Variants in TEX14 observed in about 807,000 individuals in gnomAD.
The protein encoded by TEX14 is inactive serine/threonine-protein kinase TEX14.
Under a neutral mutation model 178.6 loss-of-function variants are expected in TEX14, and 168 were observed. That is an observed-to-expected ratio of 0.94 (90% CI 0.83 to 1.07). The LOEUF is 1.07. TEX14 is among the 50% of genes least tolerant of loss of function. TEX14 has a pLI of 0.00. For missense variants in TEX14, 1,730 were observed against 1,753.6 expected, an observed-to-expected ratio of 0.99 and a Z score of 0.24; for synonymous variants, 626 against 634.1, an observed-to-expected ratio of 0.99 and a Z score of 0.19.
chr17:58,605,146 A>G lies in TEX14; in HGVS notation c.1185-17T>C. 2 of 1,611,276 alleles carry G rather than the reference A, an allele frequency of 1.2e-6. No individual in the cohort carries two copies. The highest frequency in any genetic ancestry group is 1.3e-5 in the African/African-American group (1 of 74,958). ...CTGTCCTCGCTACGGAAGGAAACTC[A>G]CAAGTCAGCGCTCATGCCTTAAAGG... On this transcript the variant is annotated splice_polypyrimidine_tract_variant and intron_variant, in intron 10 of 31. Transcript: ENST00000349033.
chr17:58,643,246 C>T (rs2046614962), intron 2 of TEX14, among the ~76,000 whole-genome samples: 1 of 152,156 alleles, frequency 6.6e-6, no homozygotes, highest in Non-Finnish European at 1.5e-5. Flanking sequence ...TACCTGTCAG[C>T]AGGGTTCCTG....
chr17:58,633,568 G>A (rs563836947), intron 2 of TEX14, among the ~76,000 whole-genome samples: 4 of 152,286 alleles, frequency 2.6e-5, no homozygotes, highest in East Asian at 3.9e-4. Context: ...GGTGGCTCAC[G>A]GCTGTAATCC....
intron 19 of TEX14, among the ~76,000 whole-genome samples, chr17:58,580,237 G>T (rs1598354465): frequency 6.6e-6 from 1 of 152,128 alleles, no homozygotes; most frequent in East Asian, 1.9e-4. Context: ...AAACTCCTGA[G>T]CTCAAGCAAT....
chr17:58,654,958 T>C (rs925586007), intron 1 of TEX14, among the ~76,000 whole-genome samples: 2 of 151,952 alleles, frequency 1.3e-5, no homozygotes, highest in Non-Finnish European at 2.9e-5. Flanking sequence ...GCCAAAACTT[T>C]TAACTTTTTT....
At chr17:58,661,535 T>C (rs770573749) in intron 1 of TEX14, 1 of 777,264 alleles carries the variant, frequency 1.3e-6, no homozygotes, top group South Asian at 1.3e-5. Flanking sequence ...CAGAAGCTGT[T>C]TGCTGGAATC....
chr17:58,592,966 GTGCA>G (rs1354512037), intron 15 of TEX14, among the ~76,000 whole-genome samples: 1 of 151,966 alleles, frequency 6.6e-6, no homozygotes, highest in Non-Finnish European at 1.5e-5. Flanking sequence ...ATACCTATGT[GTGCA>G]TGAATACATA....
intron 30 of TEX14, among the ~76,000 whole-genome samples, chr17:58,558,339 G>A (rs2144316904): frequency 6.6e-6 from 1 of 152,328 alleles, no homozygotes; most frequent in Non-Finnish European, 1.5e-5. Flanking sequence ...TGAGAGGTCA[G>A]TTACTAGACC....
intron 1 of TEX14, among the ~76,000 whole-genome samples, chr17:58,672,146 C>T (rs2047314359): frequency 6.6e-6 from 1 of 152,132 alleles, no homozygotes; most frequent in Non-Finnish European, 1.5e-5. Context: ...GTTTCACGCT[C>T]CTATGAGAAT....
chr17:58,609,990 CA>C (rs1235911844), intron 10 of TEX14, among the ~76,000 whole-genome samples: 1 of 152,206 alleles, frequency 6.6e-6, no homozygotes, highest in Admixed American at 6.5e-5. Context: ...GGGGTCTGCC[CA>C]GTGGCTGAGG....
rs557790529 is a variant in TEX14 at position 58,672,307 on chromosome 17, A to G, written c.-2+19632T>C. Among the ~76,000 whole-genome samples, 3 of 152,226 alleles carry G rather than the reference A, an allele frequency of 2.0e-5. No homozygotes were observed. In the South Asian group the frequency reaches 6.2e-4, roughly 32 times the overall value. On this transcript the variant is annotated intron_variant, in intron 1 of 31. Coordinates refer to ENST00000349033, the MANE Select transcript of TEX14 (RefSeq NM_031272.5). ...CCTGCTCTAACTGGTCCTAGAGCCA[A>G]TCAACAGTCATCTCCTCTACTCCCA...
chr17:58,679,371 C>T (rs192926068), intron 1 of TEX14, among the ~76,000 whole-genome samples: 1 of 152,236 alleles, frequency 6.6e-6, no homozygotes, highest in East Asian at 1.9e-4. Context: ...ACAACACCAA[C>T]CACGAGGGGT....
intron 6 of TEX14, among the ~76,000 whole-genome samples, chr17:58,616,682 C>A (rs1289874050): frequency 6.6e-6 from 1 of 152,136 alleles, no homozygotes; most frequent in Non-Finnish European, 1.5e-5. Context: ...CCTTGGTCTC[C>A]CAAAGTGCTA....
chr17:58,637,823 AATC>A (rs1456760718), intron 2 of TEX14, among the ~76,000 whole-genome samples: 1 of 151,568 alleles, frequency 6.6e-6, no homozygotes, highest in African/African-American at 2.4e-5. Flanking sequence ...ATGTACAGTC[AATC>A]ATAAGAAGTA....
At chr17:58,621,605 G>A (rs1208948346) in intron 5 of TEX14, 45 bp downstream of exon 5, 1 of 1,559,658 alleles carries the variant, frequency 6.4e-7, no homozygotes, top group South Asian at 1.2e-5. Context: ...CACGAGGAAG[G>A]CTGGGTGATG....
chr17:58,659,887 G>A (rs2143352526), intron 1 of TEX14, among the ~76,000 whole-genome samples: 1 of 151,602 alleles, frequency 6.6e-6, no homozygotes, highest in African/African-American at 2.4e-5. Context: ...AGTAAAGATG[G>A]GGTTTCACCA....
chr17:58,574,310 A>G (rs1022039612), intron 21 of TEX14, 61 bp from the exon 22 acceptor site: 2 of 1,317,188 alleles, frequency 1.5e-6, no homozygotes, highest in Non-Finnish European at 2.2e-6. Context: ...TACACTAACT[A>G]CTTGCTACAA....
At chr17:58,658,179 A>C (rs2047008769) in intron 1 of TEX14, among the ~76,000 whole-genome samples, 1 of 152,180 alleles carries the variant, frequency 6.6e-6, no homozygotes, top group Non-Finnish European at 1.5e-5. Context: ...TTTGAGTAAC[A>C]ATAAAACTCC....
At chr17:58,642,541 T>A (rs1262671037) in intron 2 of TEX14, among the ~76,000 whole-genome samples, 2 of 151,890 alleles carry the variant, frequency 1.3e-5, no homozygotes, top group Non-Finnish European at 2.9e-5. Context: ...TATTTATTTT[T>A]TTTTTTATGG....
Position 58,577,449 on chromosome 17 carries a change from T to C in TEX14, c.3246A>G (p.Glu1082=). The stretch of plus-strand genomic sequence containing the variant: ...CAAGAATTTTTCTCATTTGGAACTT[T>C]TCCTCACCTGAAAGAATAAAGTTAA... The part of the protein sequence containing the change: ...AFAQPQVSGE[E]KFQMRKILGK... The change falls in exon 21 of 32, where the codon GAA becomes GAG. Residue 1082 remains glutamate (E), a synonymous_variant. Coordinates refer to ENST00000349033, the MANE Select transcript of TEX14 (RefSeq NM_031272.5). The C allele has an allele frequency of 7.0e-7, 1 of 1,430,084 alleles. No individual in the cohort carries two copies. Among genetic ancestry groups the C allele is most frequent in the Non-Finnish European group, 9.4e-7 (1 of 1,060,454 alleles). The allele number at this position is 1,430,084 out of a possible 1,614,324, so 88.6% of individuals were successfully genotyped here. A position where few individuals can be genotyped will look rare whatever the true frequency, so the allele number is the denominator to read the frequency against.
Sources: allele counts gnomAD v4.1 joint callset (sites outside exome capture counted in the v4.1 genomes callset), GRCh38; gene constraint gnomAD v4.1.1; transcripts MANE v1.5; gene names NCBI Gene and HGNC (gene_info 2026-07-23, HGNC 2026-07-21).